Variants in OTOG observed in about 807,000 individuals in gnomAD.
The protein encoded by OTOG is otogelin.
In OTOG, 296 loss-of-function variants were observed where a neutral mutation model predicts 313.8. That is an observed-to-expected ratio of 0.94 (90% CI 0.86 to 1.04). The LOEUF is 1.04. Ranked by LOEUF, OTOG falls within the 50% of genes least tolerant of loss-of-function variation. OTOG has a pLI of 0.00. For missense variants in OTOG, 3,948 were observed against 3,840.1 expected, an observed-to-expected ratio of 1.03 and a Z score of -0.74; for synonymous variants, 1,533 against 1,554.9, an observed-to-expected ratio of 0.99 and a Z score of 0.33.
chr11:17,639,133 C>A (rs1406667129), intron 48 of OTOG, among the ~76,000 whole-genome samples: 1 of 152,210 alleles, frequency 6.6e-6, no homozygotes, highest in Non-Finnish European at 1.5e-5. Flanking sequence ...AAAAGGAAAC[C>A]TGTGATTGGC....
At chr11:17,600,886 G>A (rs1477963132) in intron 31 of OTOG, among the ~76,000 whole-genome samples, 3 of 149,952 alleles carry the variant, frequency 2.0e-5, no homozygotes, top group Non-Finnish European at 3.0e-5. Flanking sequence ...TCCTTGCTCC[G>A]TTCTACTAGC....
intron 11 of OTOG, 96 bp from the exon 12 acceptor site, chr11:17,559,438 C>G: frequency 1.0e-5 from 15 of 1,478,402 alleles, no homozygotes; most frequent in Non-Finnish European, 1.4e-5. Context: ...AATCAAAGCC[C>G]TCCCTCCCAT....
At chr11:17,602,404 G>A in intron 32 of OTOG, 27 bp downstream of exon 32, 1 of 1,541,582 alleles carries the variant, frequency 6.5e-7, no homozygotes, top group South Asian at 1.2e-5. Context: ...TCCCACTCCA[G>A]CTCTTCTGGG....
chr11:17,591,327 G>A, intron 24 of OTOG, 123 bp from the exon 25 acceptor site: 11 of 1,340,790 alleles, frequency 8.2e-6, no homozygotes, highest in Non-Finnish European at 1.0e-5. Context: ...AGAGGTTGGT[G>A]TTTGTTGACC....
At chr11:17,638,300 G>A (rs899375004) in intron 47 of OTOG, 151 bp from the exon 48 acceptor site, 29 of 652,910 alleles carry the variant, frequency 4.4e-5, no homozygotes, top group Middle Eastern at 2.5e-4. Flanking sequence ...GAGACTTCGG[G>A]TGCCCAGACT....
chr11:17,618,194 C>A (rs866106304), intron 39 of OTOG, among the ~76,000 whole-genome samples: 4 of 152,164 alleles, frequency 2.6e-5, no homozygotes, highest in Middle Eastern at 3.2e-3. Context: ...AGCCACCATG[C>A]CTGGCCTCTT....
intron 28 of OTOG, among the ~76,000 whole-genome samples, chr11:17,595,431 G>A (rs1853070570): frequency 6.6e-6 from 1 of 152,178 alleles, no homozygotes; most frequent in South Asian, 2.1e-4. Flanking sequence ...GAGACTTAGT[G>A]GCATTAAACA....
chr11:17,638,391 G>A, intron 47 of OTOG, 60 bp from the exon 48 acceptor site: 1 of 1,374,198 alleles, frequency 7.3e-7, no homozygotes, highest in Non-Finnish European at 9.9e-7. Context: ...TTGCCCTTCT[G>A]AGGATTCACA....
chr11:17,638,545 C>T lies in OTOG; in HGVS notation c.7890C>T (p.Ser2630=), dbSNP rs555614943. The T allele has an allele frequency of 4.3e-5, 66 of 1,550,356 alleles. No individual in the cohort carries two copies. In the Middle Eastern group the frequency reaches 5.0e-4, roughly 12 times the overall value. The change falls in exon 48 of 56, where the codon TCC becomes TCT. Residue 2630 remains serine, a synonymous_variant. Coordinates refer to ENST00000399397, the MANE Select transcript of OTOG (RefSeq NM_001292063.2). The part of the protein sequence containing the change: ...WSPDRCCPYK[S]CECDCDTIPV... ...CCGACCGCTGCTGCCCCTACAAATC[C>T]TGTGGTGAGTCCGTGGTCAGGACAG... is the stretch of plus-strand genomic sequence containing the variant.
At position 17,599,670 on chromosome 11, in the gene OTOG, G is replaced by T. The variant is rs1211461378; in HGVS notation, c.3683-1G>T. The stretch of plus-strand genomic sequence containing the variant: ...GGAAGTTCCTGTTCTCTCTCTTTCA[G>T]CGTATGACTGTGACTTCTTTAACAA... On this transcript the variant is annotated splice_acceptor_variant, in intron 30 of 55. Transcript: ENST00000399397. LOFTEE classifies it high-confidence loss of function. The T allele has an allele frequency of 6.4e-7, 1 of 1,550,682 alleles. No homozygotes were observed.
chr11:17,617,561 A>G (rs1272574188), intron 39 of OTOG, among the ~76,000 whole-genome samples: 1 of 152,120 alleles, frequency 6.6e-6, no homozygotes, highest in Admixed American at 6.5e-5. Flanking sequence ...GAATTTGTCC[A>G]TTTCATCCAA....
In OTOG at chr11:17,597,007, C is replaced by A. The variant is rs1315024007; in HGVS notation, c.3682C>A (p.Pro1228Thr). 1 of 1,549,846 alleles carries A rather than the reference C, an allele frequency of 6.5e-7. No individual in the cohort carries two copies. Among genetic ancestry groups the A allele is most frequent in the African/African-American group, 1.4e-5 (1 of 73,140 alleles). Residue 1228 changes from proline (P) to threonine (T), a missense_variant and splice_region_variant, in exon 30 of 56, where the codon CCG becomes ACG. Pro to Thr is a conservative substitution (Grantham distance 38, BLOSUM62 -1). Coordinates refer to ENST00000399397, the MANE Select transcript of OTOG (RefSeq NM_001292063.2). ...AVDWRTPRLC[P>T]YDCDFFNKVL... ...TGACTGGCGAACCCCCCGCCTCTGC[C>A]GTGAGTGTCCCAGACAATCACCTGA...
chr11:17,612,052 C>A, intron 36 of OTOG, 110 bp from the exon 37 acceptor site: 3 of 1,329,882 alleles, frequency 2.3e-6, no homozygotes, highest in East Asian at 2.5e-5. Context: ...CCTAGAAGGT[C>A]CCCTGCCCCG....
intron 3 of OTOG, among the ~76,000 whole-genome samples, chr11:17,550,603 C>A (rs1851911280): frequency 6.6e-6 from 1 of 152,204 alleles, no homozygotes; most frequent in Non-Finnish European, 1.5e-5. Context: ...ATCTCAGAGG[C>A]CACATCTGAA....
Position 17,628,213 on chromosome 11 carries a change from C to T in OTOG, c.6529-920C>T, listed in dbSNP as rs1422410644. Among the ~76,000 whole-genome samples the T allele has an allele frequency of 4.6e-5, 7 of 151,990 alleles. No homozygotes were observed. The East Asian group carries it at 1.3e-3, about 29-fold the overall frequency. ...AGGCACTGATAGCTATAAATTTCCCCCTTAGTGCTGCTTTTGCTGTATCCT... is the reference window on the plus strand; with the variant it reads ...AGGCACTGATAGCTATAAATTTCCCTCTTAGTGCTGCTTTTGCTGTATCCT... On this transcript the variant is annotated intron_variant, in intron 39 of 55. Transcript: ENST00000399397.
intron 39 of OTOG, among the ~76,000 whole-genome samples, chr11:17,626,959 G>T (rs1490756582): frequency 6.6e-6 from 1 of 152,094 alleles, no homozygotes; most frequent in Non-Finnish European, 1.5e-5. Context: ...ATTTTTCTAT[G>T]TTGATTTTGT....
At chr11:17,565,547 C>T (rs1852278815) in intron 15 of OTOG, among the ~76,000 whole-genome samples, 1 of 152,184 alleles carries the variant, frequency 6.6e-6, no homozygotes, top group South Asian at 2.1e-4. Flanking sequence ...GGGCAACCCA[C>T]ACTTACAGAG....
chr11:17,562,037 T>TAG lies in OTOG; in HGVS notation c.1644+231_1644+232insGA, dbSNP rs1554969038. Among the ~76,000 whole-genome samples, 1,960 of 131,788 alleles carry TAG rather than the reference T, an allele frequency of 0.015. 50 individuals are homozygous for TAG. Among genetic ancestry groups the TAG allele is most frequent in the African/African-American group, 0.051 (1,816 of 35,722 alleles). 86.5% of individuals were successfully genotyped at this position (131,788 alleles called of 152,430 possible). ...TTTTTGGTTTTAGGATTTTACTACCTAAAAAAAAAATATATATATATATAT... is the reference window on the plus strand; with the variant it reads ...TTTTTGGTTTTAGGATTTTACTACCTAGAAAAAAAAAATATATATATATATAT... On this transcript the variant is annotated intron_variant, in intron 15 of 55. Coordinates refer to ENST00000399397, the MANE Select transcript of OTOG (RefSeq NM_001292063.2).
Position 17,576,909 on chromosome 11 carries a change from C to G in OTOG, c.2603C>G (p.Pro868Arg), listed in dbSNP as rs1852542803. The G allele has an allele frequency of 6.5e-7, 1 of 1,550,312 alleles. No individual in the cohort carries two copies. Among genetic ancestry groups the G allele is most frequent in the Admixed American group, 2.0e-5 (1 of 50,954 alleles). Reference protein sequence around the residue: ...DGVMSCDSRAPAAACPAGQVF... With the variant: ...DGVMSCDSRARAAACPAGQVF... Reference sequence around the variant, plus strand: ...GTCATGAGCTGTGATAGCAGAGCCCCAGGTAAGGGTGGGTGGAGGGGTGGA... The same window carrying G: ...GTCATGAGCTGTGATAGCAGAGCCCGAGGTAAGGGTGGGTGGAGGGGTGGA... Residue 868 changes from proline to arginine, a missense_variant and splice_region_variant, in exon 22 of 56, where the codon CCA becomes CGA. Transcript: ENST00000399397.
Sources: allele counts gnomAD v4.1 joint callset (sites outside exome capture counted in the v4.1 genomes callset), GRCh38; gene constraint gnomAD v4.1.1; transcripts MANE v1.5; gene names NCBI Gene and HGNC (gene_info 2026-07-23, HGNC 2026-07-21).